Variants in LHFPL3 observed in about 807,000 individuals in gnomAD.
The protein encoded by LHFPL3 is LHFPL tetraspan subfamily member 3, also known as LHFPL tetraspan subfamily member 3 protein.
LHFPL3 carries 5 observed loss-of-function variants against 19.3 expected under a neutral mutation model. That is an observed-to-expected ratio of 0.26 (90% CI 0.14 to 0.54). The LOEUF (loss-of-function observed/expected upper bound fraction) is 0.54, where lower values mean the gene tolerates loss of function less well. LHFPL3 is among the 20% of genes least tolerant of loss of function. LHFPL3 has a pLI of 0.94. For missense variants in LHFPL3, 249 were observed against 307.4 expected, an observed-to-expected ratio of 0.81 and a Z score of 1.42; for synonymous variants, 133 against 126.2, an observed-to-expected ratio of 1.05 and a Z score of -0.36.
chr7:104,605,240 A>T (rs1267205843), intron 1 of LHFPL3, among the ~76,000 whole-genome samples: 2 of 152,168 alleles, frequency 1.3e-5, no homozygotes, highest in Non-Finnish European at 2.9e-5. Flanking sequence ...TTGTTTCCTA[A>T]AGACTATCCT....
intron 1 of LHFPL3, among the ~76,000 whole-genome samples, chr7:104,559,608 C>T (rs1469908143): frequency 6.6e-6 from 1 of 152,150 alleles, no homozygotes; most frequent in Non-Finnish European, 1.5e-5. Flanking sequence ...TATAGATATA[C>T]AATCATGTCA....
intron 1 of LHFPL3, among the ~76,000 whole-genome samples, chr7:104,591,626 G>A (rs1024413581): frequency 6.6e-6 from 1 of 152,080 alleles, no homozygotes; most frequent in Non-Finnish European, 1.5e-5. Context: ...TATCTTTGTG[G>A]CGTTCTCTGT....
At chr7:104,722,078 G>C (rs1791558834) in intron 1 of LHFPL3, among the ~76,000 whole-genome samples, 1 of 151,976 alleles carries the variant, frequency 6.6e-6, no homozygotes, top group Admixed American at 6.6e-5. Context: ...GGGTAAATTA[G>C]CAAGTGATGT....
intron 1 of LHFPL3, among the ~76,000 whole-genome samples, chr7:104,571,397 G>A (rs941307467): frequency 5.3e-5 from 8 of 151,984 alleles, no homozygotes; most frequent in East Asian, 1.9e-4. Context: ...GATGAGGTGC[G>A]GGATAGAGTT....
At chr7:104,392,660 G>A (rs1791100640) in intron 1 of LHFPL3, among the ~76,000 whole-genome samples, 1 of 152,070 alleles carries the variant, frequency 6.6e-6, no homozygotes, top group Non-Finnish European at 1.5e-5. Flanking sequence ...TTTTTGTTGT[G>A]TCTCTGCCAG....
intron 1 of LHFPL3, among the ~76,000 whole-genome samples, chr7:104,459,654 C>G (rs530622806): frequency 1.3e-5 from 2 of 152,316 alleles, no homozygotes; most frequent in East Asian, 3.9e-4. Context: ...TGGCTGAAGG[C>G]AAGGGACCTC....
intron 1 of LHFPL3, among the ~76,000 whole-genome samples, chr7:104,640,796 C>T (rs904365957): frequency 1.3e-5 from 2 of 152,150 alleles, no homozygotes; most frequent in South Asian, 4.1e-4. Flanking sequence ...CAAGAGTTTA[C>T]ATGAGTTGCA....
chr7:104,754,666 C>T (rs77772016), intron 2 of LHFPL3, among the ~76,000 whole-genome samples: 1,620 of 152,124 alleles, frequency 0.011, 29 homozygotes, highest in African/African-American at 0.037. Context: ...GCAATAATTG[C>T]GAAAGAACCC....
At chr7:104,481,945 G>A (rs755191280) in intron 1 of LHFPL3, among the ~76,000 whole-genome samples, 5 of 152,134 alleles carry the variant, frequency 3.3e-5, no homozygotes, top group Non-Finnish European at 7.4e-5. Flanking sequence ...CTGTAACGAT[G>A]CATCTAATTC....
At chr7:104,813,790 G>C (rs1021503470) in intron 2 of LHFPL3, among the ~76,000 whole-genome samples, 1 of 152,234 alleles carries the variant, frequency 6.6e-6, no homozygotes, top group Admixed American at 6.5e-5. Flanking sequence ...CAGAGAACAC[G>C]GTGGTGCCTG....
At chr7:104,708,290 G>A (rs1259945893) in intron 1 of LHFPL3, among the ~76,000 whole-genome samples, 3 of 152,116 alleles carry the variant, frequency 2.0e-5, no homozygotes, top group Non-Finnish European at 4.4e-5. Context: ...GTTATTTGGA[G>A]GACTCTATAG....
chr7:104,545,230 A>G (rs553395670), intron 1 of LHFPL3, among the ~76,000 whole-genome samples: 95 of 152,216 alleles, frequency 6.2e-4, no homozygotes, highest in Admixed American at 1.3e-3. Context: ...GCTTTGTTAT[A>G]TATCACTGAA....
At chr7:104,811,681 AATT>A (rs1239442116) in intron 2 of LHFPL3, among the ~76,000 whole-genome samples, 1 of 152,182 alleles carries the variant, frequency 6.6e-6, no homozygotes, top group African/African-American at 2.4e-5. Flanking sequence ...AATCATTAGC[AATT>A]ATTATTATTA....
intron 1 of LHFPL3, among the ~76,000 whole-genome samples, chr7:104,543,878 C>T (rs1427902059): frequency 1.3e-4 from 20 of 149,588 alleles, no homozygotes; most frequent in Admixed American, 1.3e-3. Context: ...AACAAACCTG[C>T]ACATTGTGCA....
At chr7:104,850,029 G>A (rs1452852897) in intron 2 of LHFPL3, among the ~76,000 whole-genome samples, 3 of 152,170 alleles carry the variant, frequency 2.0e-5, no homozygotes, top group Non-Finnish European at 2.9e-5. Flanking sequence ...TAGGCCGGGC[G>A]CGGTGGCTCA....
chr7:104,595,056 A>T (rs947287281), intron 1 of LHFPL3, among the ~76,000 whole-genome samples: 21 of 152,336 alleles, frequency 1.4e-4, no homozygotes, highest in Middle Eastern at 3.4e-3. Flanking sequence ...TCTCAAAGTC[A>T]TTCTCCGTCT....
intron 1 of LHFPL3, among the ~76,000 whole-genome samples, chr7:104,716,953 C>G (rs1456018269): frequency 6.6e-6 from 1 of 152,046 alleles, no homozygotes; most frequent in African/African-American, 2.4e-5. Flanking sequence ...TAAAACAGTA[C>G]CATACTGACA....
chr7:104,503,585 T>G (rs1441778821), intron 1 of LHFPL3, among the ~76,000 whole-genome samples: 1 of 152,190 alleles, frequency 6.6e-6, no homozygotes, highest in African/African-American at 2.4e-5. Flanking sequence ...TTCTTTTTCT[T>G]TTGAGACTGG....
chr7:104,744,580 G>C (rs546946683), intron 2 of LHFPL3, among the ~76,000 whole-genome samples: 2 of 152,160 alleles, frequency 1.3e-5, no homozygotes, highest in Non-Finnish European at 2.9e-5. Context: ...TATTCATGCT[G>C]CTTCTAATTC....
Sources: allele counts gnomAD v4.1 joint callset (sites outside exome capture counted in the v4.1 genomes callset), GRCh38; gene constraint gnomAD v4.1.1; transcripts MANE v1.5; gene names NCBI Gene and HGNC (gene_info 2026-07-23, HGNC 2026-07-21).